Variants in NBAS observed in about 807,000 individuals in gnomAD.
NBAS encodes the protein NAG/BC035112 fusion.
In NBAS, 219 loss-of-function variants were observed where a neutral mutation model predicts 302.5. The ratio of observed to expected loss-of-function variants is 0.72; its 90% CI spans 0.65 to 0.81. The LOEUF (loss-of-function observed/expected upper bound fraction) is 0.81, where lower values mean the gene tolerates loss of function less well. Among genes scored for constraint, NBAS ranks in the 30% least tolerant of loss-of-function variants. NBAS has a pLI of 0.00. For missense variants in NBAS, 2,932 were observed against 2,841.6 expected (o/e 1.03, Z -0.72); for synonymous variants, 1,118 against 1,021.6 (o/e 1.09, Z -1.80).
intron 48 of NBAS, among the ~76,000 whole-genome samples, chr2:15,204,988 T>G (rs1442099629): frequency 1.3e-5 from 2 of 151,840 alleles, no homozygotes; most frequent in African/African-American, 4.8e-5. Flanking sequence ...TGCATATGTA[T>G]CCTAGAACTT....
chr2:15,440,769 A>T (rs1678346440), intron 21 of NBAS, among the ~76,000 whole-genome samples: 1 of 152,142 alleles, frequency 6.6e-6, no homozygotes, highest in South Asian at 2.1e-4. Flanking sequence ...AAAAATTTAG[A>T]CGAATGTATA....
chr2:15,065,272 T>C, the NBAS span, among the ~76,000 whole-genome samples: 1 of 152,088 alleles, frequency 6.6e-6, no homozygotes, highest in Non-Finnish European at 1.5e-5. Flanking sequence ...AAGTCACATA[T>C]GAAAATCCCA....
At chr2:14,903,327 CAAA>C in the NBAS span, among the ~76,000 whole-genome samples, 2 of 62,568 alleles carry the variant, frequency 3.2e-5, no homozygotes, top group African/African-American at 5.3e-5. Context: ...ATAAGCTTTG[CAAA>C]AAAAAAAAAA....
At chr2:15,515,954 G>A (rs1342871105) in intron 9 of NBAS, among the ~76,000 whole-genome samples, 1 of 152,176 alleles carries the variant, frequency 6.6e-6, no homozygotes, top group African/African-American at 2.4e-5. Flanking sequence ...CTATGTTTCA[G>A]CAGTAAGATA....
chr2:14,961,403 A>C, the NBAS span, among the ~76,000 whole-genome samples: 3 of 152,050 alleles, frequency 2.0e-5, no homozygotes, highest in Admixed American at 6.6e-5. Context: ...GAGTTACTGC[A>C]CTATTAGTTC....
chr2:15,435,533 C>T (rs966659199), intron 21 of NBAS, among the ~76,000 whole-genome samples: 1 of 152,166 alleles, frequency 6.6e-6, no homozygotes, highest in Non-Finnish European at 1.5e-5. Flanking sequence ...GGAGAGGAGA[C>T]ACAGGCACAG....
Position 15,327,811 on chromosome 2 carries a change from CA to C in NBAS, c.4520del (p.Leu1507CysfsTer2), listed in dbSNP as rs1355806716. ...HVPVESFAEV[L>X]LRTGKLAEAK... is the part of the protein sequence containing the mutation. ...CCTCTGCCAATTTTCCAGTTCTCAG[CA>C]ATACTTCTGCAAAGCTTTCCACTGG... is the stretch of plus-strand genomic sequence containing the variant. On this transcript the variant is annotated frameshift_variant, in exon 38 of 52. Coordinates refer to ENST00000281513, the MANE Select transcript of NBAS (RefSeq NM_015909.4). LOFTEE classifies it high-confidence loss of function. 4 of 1,613,652 alleles carry C rather than the reference CA, an allele frequency of 2.5e-6. No individual in the cohort carries two copies. In the Admixed American group the frequency reaches 5.0e-5, roughly 20 times the overall value.
chr2:14,919,290 CATT>C, the NBAS span, among the ~76,000 whole-genome samples: 1 of 152,130 alleles, frequency 6.6e-6, no homozygotes, highest in Non-Finnish European at 1.5e-5. Context: ...TGTGCGATAA[CATT>C]ATGTCTAAAA....
the NBAS span, among the ~76,000 whole-genome samples, chr2:14,826,548 C>T: frequency 2.1e-4 from 32 of 152,356 alleles, no homozygotes; most frequent in South Asian, 6.6e-3. Context: ...ATGCCAATCT[C>T]TCCTCTTGCA....
intron 48 of NBAS, among the ~76,000 whole-genome samples, chr2:15,218,313 T>C (rs1666745632): frequency 6.7e-6 from 1 of 149,684 alleles, no homozygotes; most frequent in South Asian, 2.1e-4. Flanking sequence ...TCGTTGTACA[T>C]ATTCAAGTAC....
At chr2:15,505,550 C>T (rs554261281) in intron 10 of NBAS, among the ~76,000 whole-genome samples, 27 of 152,230 alleles carry the variant, frequency 1.8e-4, no homozygotes, top group African/African-American at 6.0e-4. Context: ...AGAGGATCCA[C>T]GCCCCCTCCT....
chr2:15,111,305 A>AGTTTTGT, the NBAS span, among the ~76,000 whole-genome samples: 7 of 152,130 alleles, frequency 4.6e-5, no homozygotes, highest in Non-Finnish European at 7.4e-5. Context: ...AGTAGAACCC[A>AGTTTTGT]TGTAAAAACC....
chr2:15,468,353 C>G (rs368622508), intron 17 of NBAS, 29 bp downstream of exon 17: 12 of 1,613,376 alleles, frequency 7.4e-6, no homozygotes, highest in African/African-American at 1.3e-5. Flanking sequence ...GTCACCTTTA[C>G]TTTGAATCCA....
Position 15,353,647 on chromosome 2 carries a change from G to A in NBAS, c.3995C>T (p.Ala1332Val). 1.2e-6 allele frequency: 2 copies of A among 1,614,076 alleles called. No individual in the cohort carries two copies. The highest frequency in any genetic ancestry group is 1.7e-6 in the Non-Finnish European group (2 of 1,179,968). The change falls in exon 34 of 52, where the codon GCC becomes GTC. Residue 1332 changes from alanine to valine, a missense_variant. Physicochemically the swap from Ala to Val is moderately conservative, Grantham distance 64. Coordinates refer to ENST00000281513, the MANE Select transcript of NBAS (RefSeq NM_015909.4). ...AAAAGCCATGAGCTCTTGACGAGTGGCCAAGTCCTGGTAACCTTCTGATTG... is the reference window on the plus strand; with the variant it reads ...AAAAGCCATGAGCTCTTGACGAGTGACCAAGTCCTGGTAACCTTCTGATTG... ...LGQSEGYQDLATRQELMAFAL... is the reference protein window; with the variant it reads ...LGQSEGYQDLVTRQELMAFAL...
At chr2:15,365,633 T>C (rs1307153241) in intron 32 of NBAS, among the ~76,000 whole-genome samples, 1 of 152,188 alleles carries the variant, frequency 6.6e-6, no homozygotes, top group Admixed American at 6.5e-5. Context: ...ATTGGCAGTC[T>C]GCTGCAAGTC....
chr2:15,228,576 C>T (rs1377808562), intron 47 of NBAS, among the ~76,000 whole-genome samples: 1 of 152,178 alleles, frequency 6.6e-6, no homozygotes, highest in Admixed American at 6.5e-5. Context: ...AGCCAAGATA[C>T]AGAATCAACC....
the NBAS span, among the ~76,000 whole-genome samples, chr2:14,935,019 T>G: frequency 6.6e-6 from 1 of 152,182 alleles, no homozygotes; most frequent in Admixed American, 6.5e-5. Context: ...AGGATATATA[T>G]TTTTCTATTA....
intron 42 of NBAS, among the ~76,000 whole-genome samples, chr2:15,278,073 T>A (rs1237421125): frequency 1.3e-5 from 2 of 152,254 alleles, no homozygotes; most frequent in East Asian, 1.9e-4. Context: ...TTCAAAAAGT[T>A]CTAAAGCAGC....
chr2:15,534,547 G>T lies in NBAS; in HGVS notation c.742C>A (p.His248Asn). The stretch of plus-strand genomic sequence containing the variant: ...TGAGAACAAATGGTTACTTACCTGT[G>T]ACCAGGGTGGTAAATAGCTGTGTTG... ...GINTAIYHPG[H>N]RLLLVGGCET... The change falls in exon 9 of 52, where the codon CAC becomes AAC. Residue 248 changes from histidine to asparagine, a missense_variant. His to Asn is a moderately conservative substitution (Grantham distance 68, BLOSUM62 1). Coordinates refer to ENST00000281513, the MANE Select transcript of NBAS (RefSeq NM_015909.4). The T allele has an allele frequency of 1.3e-6, 2 of 1,599,860 alleles. No homozygotes were observed. Among genetic ancestry groups the T allele is most frequent in the South Asian group, 2.2e-5 (2 of 90,834 alleles).
Sources: allele counts gnomAD v4.1 joint callset (sites outside exome capture counted in the v4.1 genomes callset), GRCh38; gene constraint gnomAD v4.1.1; transcripts MANE v1.5; gene names NCBI Gene and HGNC (gene_info 2026-07-23, HGNC 2026-07-21).